DHX35: variants seen among roughly 807,000 people sequenced by gnomAD.
DHX35 encodes probable ATP-dependent RNA helicase DHX35.
DHX35 carries 84 observed loss-of-function variants against 99.6 expected under a neutral mutation model. The ratio of observed to expected loss-of-function variants is 0.84; its 90% CI spans 0.71 to 1.01. DHX35 has a LOEUF of 1.01. DHX35 is among the 50% of genes least tolerant of loss of function. DHX35 has a pLI of 0.00. For missense variants in DHX35, 852 were observed against 888.5 expected, an observed-to-expected ratio of 0.96 and a Z score of 0.52; for synonymous variants, 331 against 316.2, an observed-to-expected ratio of 1.05 and a Z score of -0.50.
intron 5 of DHX35, among the ~76,000 whole-genome samples, chr20:38,990,345 G>A (rs1440781880): frequency 6.6e-6 from 1 of 152,170 alleles, no homozygotes; most frequent in Non-Finnish European, 1.5e-5. Flanking sequence ...AGCATGCAAG[G>A]GAGATGGTTT....
chr20:39,004,668 T>TGTG (rs1409877254), intron 11 of DHX35, among the ~76,000 whole-genome samples: 1 of 152,036 alleles, frequency 6.6e-6, no homozygotes, highest in African/African-American at 2.4e-5. Context: ...TGAGGAAGGG[T>TGTG]GTGGTGGAAA....
chr20:39,037,053 T>C (rs1265906810), intron 21 of DHX35, among the ~76,000 whole-genome samples: 2 of 152,192 alleles, frequency 1.3e-5, no homozygotes, highest in African/African-American at 4.8e-5. Flanking sequence ...GCTCTCACCC[T>C]GTGTGGAGGC....
chr20:38,995,993 C>T (rs911460426), intron 8 of DHX35, among the ~76,000 whole-genome samples: 5 of 152,180 alleles, frequency 3.3e-5, no homozygotes, highest in African/African-American at 1.2e-4. Context: ...TCCAGTGCTC[C>T]CTACATTTCA....
At chr20:39,006,747 T>G (rs536169452) in intron 12 of DHX35, among the ~76,000 whole-genome samples, 2 of 152,318 alleles carry the variant, frequency 1.3e-5, no homozygotes, top group East Asian at 3.9e-4. Context: ...CACATTGGGT[T>G]CCCCTTTTAC....
chr20:39,030,920 T>C lies in DHX35; in HGVS notation c.1955+145T>C, dbSNP rs912524000. Reference sequence around the variant, plus strand: ...GCTCACGCCTGTAATCCCAGCACTTTGGGAGGCCAATGTAGGCAGGTCACC... The same window carrying C: ...GCTCACGCCTGTAATCCCAGCACTTCGGGAGGCCAATGTAGGCAGGTCACC... On this transcript the variant is annotated intron_variant, in intron 20 of 21. Transcript: ENST00000252011. 7.1e-6 allele frequency: 6 copies of C among 845,560 alleles called. No homozygotes were observed. In the African/African-American group the frequency reaches 1.0e-4, roughly 14 times the overall value. The allele number at this position is 845,560 out of a possible 1,614,324, so 52.4% of individuals were successfully genotyped here. A position where few individuals can be genotyped will look rare whatever the true frequency, so the allele number is the denominator to read the frequency against.
At chr20:39,002,930 A>G in intron 10 of DHX35, 62 bp downstream of exon 10, 1 of 1,358,758 alleles carries the variant, frequency 7.4e-7, no homozygotes, top group Non-Finnish European at 1.0e-6. Flanking sequence ...AGTAATACAG[A>G]GCCTTGTTAC....
chr20:38,978,458 G>A (rs376879056), intron 3 of DHX35: 25 of 552,398 alleles, frequency 4.5e-5, no homozygotes, highest in African/African-American at 3.7e-4. Flanking sequence ...GAGAGAAGGC[G>A]GATGGAGATA....
At chr20:39,019,803 A>C (rs765696580) in intron 15 of DHX35, among the ~76,000 whole-genome samples, 1 of 152,236 alleles carries the variant, frequency 6.6e-6, no homozygotes, top group Non-Finnish European at 1.5e-5. Flanking sequence ...CATGCAGTGC[A>C]ATAGATCACT....
At chr20:39,012,809 G>A (rs1214169174) in intron 13 of DHX35, among the ~76,000 whole-genome samples, 1 of 152,204 alleles carries the variant, frequency 6.6e-6, no homozygotes, top group African/African-American at 2.4e-5. Context: ...GGGATTACAG[G>A]TGTGAGCCAC....
chr20:38,992,461 T>G (rs1036225845), intron 7 of DHX35, 36 bp downstream of exon 7: 1 of 1,597,916 alleles, frequency 6.3e-7, no homozygotes, highest in African/African-American at 1.3e-5. Context: ...TTGTGTGTGT[T>G]TATTTTATTG....
At chr20:38,972,323 T>C (rs2086014498) in intron 2 of DHX35, among the ~76,000 whole-genome samples, 1 of 128,658 alleles carries the variant, frequency 7.8e-6, no homozygotes, top group Non-Finnish European at 1.6e-5. Context: ...TAATTTCTTA[T>C]AAGTGAAAAT....
At chr20:39,000,068 T>G (rs111446177) in intron 8 of DHX35, among the ~76,000 whole-genome samples, 4 of 152,352 alleles carry the variant, frequency 2.6e-5, no homozygotes, top group African/African-American at 9.6e-5. Context: ...AGACCTTGCC[T>G]CTGTCCTCCC....
chr20:39,002,942 T>G, intron 10 of DHX35, 74 bp downstream of exon 10: 4 of 1,269,224 alleles, frequency 3.2e-6, no homozygotes, highest in Non-Finnish European at 3.4e-6. Context: ...CCTTGTTACT[T>G]TACTCAGTCA....
intron 11 of DHX35, among the ~76,000 whole-genome samples, chr20:39,005,129 AATG>A (rs1332341592): frequency 6.6e-6 from 1 of 152,222 alleles, no homozygotes; most frequent in Non-Finnish European, 1.5e-5. Flanking sequence ...TATTTTATAA[AATG>A]ATCATTTATA....
At chr20:39,032,321 G>T (rs1422656685) in intron 20 of DHX35, among the ~76,000 whole-genome samples, 1 of 152,188 alleles carries the variant, frequency 6.6e-6, no homozygotes, top group African/African-American at 2.4e-5. Context: ...ACAGGTGCAT[G>T]CAACCATGCC....
At position 39,038,612 on chromosome 20, in the gene DHX35, AGGT is replaced by A; in HGVS notation, c.*72_*74del. ...CCTCCATGCTGCTGCCCCTGGTCCCAGGTGGGGTGAGCTGGCACCAGCTCCTGT... is the reference window on the plus strand; with the variant it reads ...CCTCCATGCTGCTGCCCCTGGTCCCAGGGGTGAGCTGGCACCAGCTCCTGT... On this transcript the variant is annotated 3_prime_UTR_variant, in exon 22 of 22. Transcript: ENST00000252011. The A allele has an allele frequency of 1.3e-6, 2 of 1,533,394 alleles. No individual in the cohort carries two copies. The highest frequency in any genetic ancestry group is 8.8e-7 in the Non-Finnish European group (1 of 1,129,996). 95.0% of individuals were successfully genotyped at this position (1,533,394 alleles called of 1,614,324 possible). A position where few individuals can be genotyped will look rare whatever the true frequency, so the allele number is the denominator to read the frequency against.
rs371092360 is a variant in DHX35, at chr20:39,037,065, TGAAATG to T, written c.2068-1432_2068-1427del. Among the ~76,000 whole-genome samples, 109 of 152,310 alleles carry T rather than the reference TGAAATG, an allele frequency of 7.2e-4. No individual in the cohort carries two copies. The Middle Eastern group carries it at 0.01, about 14-fold the overall frequency. ...GTTGCTCTCACCCTGTGTGGAGGCCTGAAATGGTTCAGAGTCAGCTTTGTTTATATT... is the reference window on the plus strand; with the variant it reads ...GTTGCTCTCACCCTGTGTGGAGGCCTGTTCAGAGTCAGCTTTGTTTATATT... On this transcript the variant is annotated intron_variant, in intron 21 of 21. Transcript: ENST00000252011.
At chr20:38,990,601 T>A (rs1244012314) in intron 5 of DHX35, among the ~76,000 whole-genome samples, 1 of 152,150 alleles carries the variant, frequency 6.6e-6, no homozygotes, top group Admixed American at 6.5e-5. Context: ...AATGTAAATT[T>A]AAAAAAATAC....
At chr20:39,028,278 C>A in intron 18 of DHX35, 140 bp from the exon 19 acceptor site, 1 of 793,196 alleles carries the variant, frequency 1.3e-6, no homozygotes. Flanking sequence ...AAGGGTAGGG[C>A]TGGAGCCATT....
Sources: allele counts gnomAD v4.1 joint callset (sites outside exome capture counted in the v4.1 genomes callset), GRCh38; gene constraint gnomAD v4.1.1; transcripts MANE v1.5; gene names NCBI Gene and HGNC (gene_info 2026-07-23, HGNC 2026-07-21).